Variants in CDON observed in about 807,000 individuals in gnomAD.
CDON encodes cell adhesion molecule-related/down-regulated by oncogenes.
In CDON, 73 loss-of-function variants were observed where a neutral mutation model predicts 120.9. That is an observed-to-expected ratio of 0.60 (90% CI 0.50 to 0.73). The LOEUF is 0.73. Among genes scored for constraint, CDON ranks in the 30% least tolerant of loss-of-function variants. CDON has a pLI of 0.00. For missense variants in CDON, 1,470 were observed against 1,587.3 expected (o/e 0.93, Z 1.26); for synonymous variants, 566 against 573.5 (o/e 0.99, Z 0.19).
chr11:126,036,317 C>A (rs1209288986), intron 1 of CDON, among the ~76,000 whole-genome samples: 1 of 152,048 alleles, frequency 6.6e-6, no homozygotes, highest in Non-Finnish European at 1.5e-5. Context: ...AATCAATTTC[C>A]AAAAAATCAA....
intron 1 of CDON, among the ~76,000 whole-genome samples, chr11:126,057,277 A>G (rs115253502): frequency 0.015 from 2,214 of 152,296 alleles, 54 homozygotes; most frequent in African/African-American, 0.05. Flanking sequence ...TGTGCCAATA[A>G]AATGAATTAT....
At chr11:126,004,246 A>C (rs1947051227) in intron 9 of CDON, 170 bp from the exon 10 acceptor site, 1 of 710,906 alleles carries the variant, frequency 1.4e-6, no homozygotes, top group Non-Finnish European at 2.4e-6. Context: ...AAGAAATAGA[A>C]GATCTGCTGC....
In CDON at chr11:125,997,430, T is replaced by C; in HGVS notation, c.2159-20A>G. 3 of 1,544,684 alleles carry C rather than the reference T, an allele frequency of 1.9e-6. No individual in the cohort carries two copies. The highest frequency in any genetic ancestry group is 2.7e-6 in the Non-Finnish European group (3 of 1,122,668). On this transcript the variant is annotated intron_variant, in intron 11 of 19. Transcript: ENST00000531738. ...CTGGAACTAAACACGGAAACGTTCATTTCAATAACCCACCATGTCAGAGAC... is the reference window on the plus strand; with the variant it reads ...CTGGAACTAAACACGGAAACGTTCACTTCAATAACCCACCATGTCAGAGAC...
chr11:126,003,186 A>G (rs73021207), intron 10 of CDON, among the ~76,000 whole-genome samples: 39,921 of 152,068 alleles, frequency 0.26, 5,337 homozygotes, highest in South Asian at 0.32. Flanking sequence ...TGTAAGCTCT[A>G]CAAGGCCACA....
intron 1 of CDON, among the ~76,000 whole-genome samples, chr11:126,061,186 C>T (rs1469587879): frequency 1.3e-5 from 2 of 152,190 alleles, no homozygotes; most frequent in African/African-American, 2.4e-5. Context: ...TTCTGTTCTA[C>T]ACACTGCCAA....
intron 6 of CDON, among the ~76,000 whole-genome samples, chr11:126,016,487 C>A (rs185823274): frequency 6.6e-6 from 1 of 152,096 alleles, no homozygotes; most frequent in Non-Finnish European, 1.5e-5. Flanking sequence ...GACTGGAGTG[C>A]GGTGGCGTGA....
intron 18 of CDON, among the ~76,000 whole-genome samples, chr11:125,976,131 C>G (rs996518765): frequency 3.3e-5 from 5 of 152,138 alleles, no homozygotes; most frequent in African/African-American, 1.2e-4. Flanking sequence ...GCATTCACAG[C>G]TTTTTACAAA....
chr11:125,972,032 C>T (rs1348546744), intron 18 of CDON, among the ~76,000 whole-genome samples: 2 of 152,168 alleles, frequency 1.3e-5, no homozygotes, highest in Non-Finnish European at 2.9e-5. Flanking sequence ...ACAAGGATTT[C>T]TTGATTAGGT....
rs117164923 is a variant in CDON, at chr11:125,963,681, T to C, written c.3357-1683A>G. 7.6e-4 allele frequency among the ~76,000 whole-genome samples: 116 copies of C among 152,354 alleles called. 1 individual carries two copies. The East Asian group carries it at 0.016, about 21-fold the overall frequency. On this transcript the variant is annotated intron_variant, in intron 18 of 19. Transcript: ENST00000531738. The stretch of plus-strand genomic sequence containing the variant: ...GTTTCAAATAGAGAAATATACTCAC[T>C]ATATAGATAATTAAATTCAGAGACC...
In CDON at chr11:126,061,313, G is replaced by A. The variant is rs533006405; in HGVS notation, c.-62+1266C>T. ...GTGCATAACAGAGACTGCAGTATTT[G>A]GTGCTTCTCGGGTTCCAAAGAATGC... On this transcript the variant is annotated intron_variant, in intron 1 of 19. Transcript: ENST00000531738. Among the ~76,000 whole-genome samples, 3 of 152,194 alleles carry A rather than the reference G, an allele frequency of 2.0e-5. No homozygotes were observed. In the South Asian group the frequency reaches 6.2e-4, roughly 32 times the overall value.
At chr11:126,032,719 G>T (rs561837167) in intron 1 of CDON, among the ~76,000 whole-genome samples, 1 of 152,136 alleles carries the variant, frequency 6.6e-6, no homozygotes, top group Non-Finnish European at 1.5e-5. Flanking sequence ...TTTAAAAGAC[G>T]TAAGAGGCCA....
chr11:125,977,044 C>T (rs1316392006), intron 18 of CDON, among the ~76,000 whole-genome samples: 4 of 152,166 alleles, frequency 2.6e-5, no homozygotes, highest in South Asian at 2.1e-4. Flanking sequence ...TAACTAAATC[C>T]GTCTGATTAC....
chr11:126,003,880 T>A (rs755786357), intron 10 of CDON, 22 bp downstream of exon 10: 2 of 1,610,918 alleles, frequency 1.2e-6, no homozygotes, highest in Middle Eastern at 1.7e-4. Context: ...AGCTCATTCC[T>A]CCAAAGGAAG....
chr11:126,030,507 A>T (rs904714510), intron 1 of CDON, among the ~76,000 whole-genome samples: 2 of 152,228 alleles, frequency 1.3e-5, no homozygotes, highest in Admixed American at 1.3e-4. Flanking sequence ...GATCAGTTAT[A>T]GTTCTTCAAA....
At chr11:125,994,843 A>G (rs182948444) in intron 13 of CDON, 28 bp downstream of exon 13, 2 of 1,597,888 alleles carry the variant, frequency 1.3e-6, no homozygotes, top group Admixed American at 3.3e-5. Context: ...CAAACCACAA[A>G]ATCTCATTCC....
chr11:125,973,128 A>G (rs78989845), intron 18 of CDON, among the ~76,000 whole-genome samples: 1 of 146,474 alleles, frequency 6.8e-6, no homozygotes, highest in East Asian at 2.0e-4. Context: ...CAACTATGCT[A>G]GTCTACTGTT....
chr11:126,019,988 G>A (rs1243000460), intron 3 of CDON, among the ~76,000 whole-genome samples: 4 of 148,570 alleles, frequency 2.7e-5, no homozygotes, highest in Non-Finnish European at 6.0e-5. Flanking sequence ...TTCAGGCTGT[G>A]ATGAGCCAAG....
Position 126,016,723 on chromosome 11 carries a change from T to C in CDON, c.928+365A>G, listed in dbSNP as rs148005225. Among the ~76,000 whole-genome samples, 44 of 152,268 alleles carry C rather than the reference T, an allele frequency of 2.9e-4. No individual in the cohort carries two copies. The East Asian group carries it at 7.9e-3, about 27-fold the overall frequency. ...GTGAGTTACCATGCCTGGCCTGACATTTTCTCATCAGTACTCTGTCTTAGT... is the reference window on the plus strand; with the variant it reads ...GTGAGTTACCATGCCTGGCCTGACACTTTCTCATCAGTACTCTGTCTTAGT... On this transcript the variant is annotated intron_variant, in intron 6 of 19. Transcript: ENST00000531738.
chr11:126,009,243 G>A (rs1947220615), intron 8 of CDON, among the ~76,000 whole-genome samples: 1 of 152,196 alleles, frequency 6.6e-6, no homozygotes, highest in Admixed American at 6.5e-5. Flanking sequence ...GCTTCATTCA[G>A]AGCAAGGGCG....
Sources: allele counts gnomAD v4.1 joint callset (sites outside exome capture counted in the v4.1 genomes callset), GRCh38; gene constraint gnomAD v4.1.1; transcripts MANE v1.5; gene names NCBI Gene and HGNC (gene_info 2026-07-23, HGNC 2026-07-21).